The following SHISA9 variants were observed in gnomAD, a reference collection of about 807,000 sequenced individuals.
SHISA9 encodes the protein shisa family member 9.
In SHISA9, 13 loss-of-function variants were observed where a neutral mutation model predicts 38.0. That is an observed-to-expected ratio of 0.34 (90% confidence interval 0.22 to 0.54). The LOEUF (loss-of-function observed/expected upper bound fraction) is 0.54. Among genes scored for constraint, SHISA9 ranks in the 20% least tolerant of loss-of-function variants. The probability of loss-of-function intolerance (pLI) is 0.91; values close to 1 mark genes in which losing one functional copy is unlikely to be tolerated. For missense variants in SHISA9, 538 were observed against 575.8 expected, an observed-to-expected ratio of 0.93 and a Z score of 0.67; for synonymous variants, 275 against 242.0, an observed-to-expected ratio of 1.14 and a Z score of -1.27.
At chr16:13,135,521 C>T (rs1276901736) in intron 2 of SHISA9, among the ~76,000 whole-genome samples, 1 of 152,188 alleles carries the variant, frequency 6.6e-6, no homozygotes, top group Non-Finnish European at 1.5e-5. Flanking sequence ...GACAATATTC[C>T]ATCCAGATCT....
intron 2 of SHISA9, among the ~76,000 whole-genome samples, chr16:13,087,147 CTTTTTTTT>C (rs956913326): frequency 0.021 from 1,683 of 81,698 alleles, 40 homozygotes; most frequent in African/African-American, 0.072. Flanking sequence ...ATGAACTCGT[CTTTTTTTT>C]TTTTTTTTTT....
chr16:12,936,616 C>T lies in SHISA9; in HGVS notation c.691+19801C>T, dbSNP rs77598276. Among the ~76,000 whole-genome samples the T allele has an allele frequency of 1.2e-3, 177 of 152,332 alleles. 1 individual carries two copies. The highest frequency in any genetic ancestry group is 4.0e-3 in the African/African-American group (166 of 41,574). The stretch of plus-strand genomic sequence containing the variant: ...CAGACTCACTTCCCACGAGCTTCTC[C>T]AGAGTGTGATTCTAGCATTTAAAGA... On this transcript the variant is annotated intron_variant, in intron 2 of 4. Coordinates refer to ENST00000558583, the MANE Select transcript of SHISA9 (RefSeq NM_001145204.3).
At chr16:13,042,997 C>G (rs1010200440) in intron 2 of SHISA9, among the ~76,000 whole-genome samples, 1 of 152,144 alleles carries the variant, frequency 6.6e-6, no homozygotes, top group African/African-American at 2.4e-5. Flanking sequence ...GTTTCAGGGG[C>G]TTAATACTAA....
intron 4 of SHISA9, among the ~76,000 whole-genome samples, chr16:13,229,393 G>T (rs1324931216): frequency 6.6e-6 from 1 of 152,170 alleles, no homozygotes; most frequent in East Asian, 1.9e-4. Flanking sequence ...GGACCTCAGG[G>T]GAGAGGCAGC....
chr16:13,014,263 A>G (rs140329678), intron 2 of SHISA9, among the ~76,000 whole-genome samples: 44 of 152,284 alleles, frequency 2.9e-4, no homozygotes, highest in Non-Finnish European at 5.1e-4. Flanking sequence ...CTCCCAGGTA[A>G]AGCATTTACG....
At chr16:13,141,695 TAATAA>T (rs1017740698) in intron 2 of SHISA9, among the ~76,000 whole-genome samples, 29 of 151,986 alleles carry the variant, frequency 1.9e-4, no homozygotes, top group Admixed American at 1.0e-3. Context: ...TATATATATA[TAATAA>T]AATAAAATAG....
chr16:13,477,415 C>T, the SHISA9 span, among the ~76,000 whole-genome samples: 1 of 152,166 alleles, frequency 6.6e-6, no homozygotes, highest in African/African-American at 2.4e-5. Context: ...AATTCTAAGG[C>T]AGACAGAGCA....
At chr16:12,997,742 C>T (rs994732612) in intron 2 of SHISA9, among the ~76,000 whole-genome samples, 10 of 152,182 alleles carry the variant, frequency 6.6e-5, no homozygotes, top group African/African-American at 2.4e-4. Context: ...CATCTGGACT[C>T]TGATTTCCCA....
At position 13,239,285 on chromosome 16, in the gene SHISA9, C is replaced by T. The variant is rs565652483; in HGVS notation, c.*3876C>T. On this transcript the variant is annotated 3_prime_UTR_variant, in exon 5 of 5. Coordinates refer to ENST00000558583, the MANE Select transcript of SHISA9 (RefSeq NM_001145204.3). ...AAGTCTTTGCTATTGTGAATAGTGC[C>T]GCAATAAACATACGTGTGCATGTGT... 6.4e-3 allele frequency: 966 copies of T among 151,386 alleles called. 11 individuals are homozygous for T. Among genetic ancestry groups the T allele is most frequent in the African/African-American group, 0.023 (933 of 41,154 alleles). 9.4% of individuals were successfully genotyped at this position (151,386 alleles called of 1,614,324 possible).
intron 2 of SHISA9, among the ~76,000 whole-genome samples, chr16:13,096,411 A>G (rs992807698): frequency 3.3e-5 from 5 of 152,206 alleles, no homozygotes; most frequent in African/African-American, 7.2e-5. Flanking sequence ...GGTTAAAGCA[A>G]TAATCATTTA....
At chr16:13,039,692 G>A (rs2073112663) in intron 2 of SHISA9, among the ~76,000 whole-genome samples, 1 of 152,104 alleles carries the variant, frequency 6.6e-6, no homozygotes. Flanking sequence ...CTCTCCAAAT[G>A]AGGAGTAGTT....
the SHISA9 span, among the ~76,000 whole-genome samples, chr16:13,520,526 C>T: frequency 6.8e-6 from 1 of 147,850 alleles, no homozygotes; most frequent in Non-Finnish European, 1.5e-5. Context: ...TCACTTGAAC[C>T]CGGGAGGTGG....
At chr16:13,205,016 C>G (rs1242624411) in intron 3 of SHISA9, 1 of 152,156 alleles carries the variant, frequency 6.6e-6, no homozygotes, top group African/African-American at 2.4e-5. Flanking sequence ...TCACAGAAAG[C>G]AATTCCTGAC....
chr16:12,974,009 C>T (rs1396158845), intron 2 of SHISA9, among the ~76,000 whole-genome samples: 1 of 152,160 alleles, frequency 6.6e-6, no homozygotes, highest in South Asian at 2.1e-4. Flanking sequence ...AAGTGAGGCC[C>T]AGAGTGGGCT....
At chr16:13,505,754 T>G in the SHISA9 span, among the ~76,000 whole-genome samples, 1 of 152,220 alleles carries the variant, frequency 6.6e-6, no homozygotes, top group East Asian at 1.9e-4. Flanking sequence ...AGAGGCTTCT[T>G]GGGTGAGATG....
intron 2 of SHISA9, among the ~76,000 whole-genome samples, chr16:13,178,608 G>A (rs1445036537): frequency 2.0e-5 from 3 of 152,058 alleles, no homozygotes; most frequent in East Asian, 1.9e-4. Flanking sequence ...AGTCCTCCCC[G>A]TCCCCAGCAA....
At chr16:13,433,578 G>A in the SHISA9 span, among the ~76,000 whole-genome samples, 1 of 152,182 alleles carries the variant, frequency 6.6e-6, no homozygotes, top group Non-Finnish European at 1.5e-5. Flanking sequence ...GTTAAAGCAA[G>A]GATGCAAATC....
chr16:12,925,070 C>G (rs1040265463), intron 2 of SHISA9, among the ~76,000 whole-genome samples: 9 of 152,102 alleles, frequency 5.9e-5, no homozygotes, highest in Non-Finnish European at 8.8e-5. Context: ...CATTAGGGGA[C>G]AATGATACAA....
chr16:13,391,245 T>A, the SHISA9 span, among the ~76,000 whole-genome samples: 2 of 152,216 alleles, frequency 1.3e-5, no homozygotes, highest in Non-Finnish European at 2.9e-5. Context: ...TACATTAAAT[T>A]GTACTAAATA....
Sources: gnomAD v4.1 joint callset for allele counts (sites outside exome capture counted in the v4.1 genomes callset) on GRCh38, gnomAD v4.1.1 for gene constraint, MANE v1.5 for transcripts, NCBI Gene and HGNC (gene_info 2026-07-23, HGNC 2026-07-21) for gene names.